Variants in GNG8 observed in about 807,000 individuals in gnomAD.
GNG8 encodes the protein guanine nucleotide-binding protein G(I)/G(S)/G(O) subunit gamma-8.
A neutral mutation model predicts 4.6 loss-of-function variants in GNG8; 3 were observed. That is an observed-to-expected ratio of 0.65 (90% CI 0.29 to 1.67). GNG8 has a LOEUF of 1.67. Among genes scored for constraint, GNG8 ranks in the 40% most tolerant of loss-of-function variants. GNG8 has a pLI of 0.10. For synonymous variants in GNG8, 32 were observed against 40.5 expected (o/e 0.79, Z 0.80); for missense variants, 88 against 95.2 (o/e 0.92, Z 0.32).
chr19:46,635,990 G>C (rs1474048730), intron 1 of GNG8, among the ~76,000 whole-genome samples, 157 bp downstream of exon 1: 2 of 151,930 alleles, frequency 1.3e-5, no homozygotes, highest in African/African-American at 4.8e-5. Flanking sequence ...ACAGAAAGTG[G>C]GAGAGAGGAA....
At chr19:46,639,033 G>C (rs748497417), upstream of GNG8, 1 of 154,080 alleles carries the variant, frequency 6.5e-6, no homozygotes, top group Non-Finnish European at 1.4e-5. The surrounding 1 kb of genome is among the most constrained non-coding windows in gnomAD (Gnocchi z 5.2). Context: ...AGGGACAGGA[G>C]AGGCAGAGAC....
chr19:46,638,909 G>C (rs1316883212), upstream of GNG8: 1 of 153,758 alleles, frequency 6.5e-6, no homozygotes, highest in Non-Finnish European at 1.4e-5. The surrounding 1 kb of genome is among the most constrained non-coding windows in gnomAD (Gnocchi z 4.7). Context: ...CACAGACAGG[G>C]GAGGGAGATG....
Position 46,634,588 on chromosome 19 carries a change from C to T in GNG8, c.84+11G>A. On this transcript the variant is annotated intron_variant, in intron 2 of 2. Transcript: ENST00000693335. ...AGAACCCCCGCCCTATTCCCCACCC[C>T]GACCCAGCACCTTCATGCGGTCGAT... 2 of 1,611,654 alleles carry T rather than the reference C, an allele frequency of 1.2e-6. No individual in the cohort carries two copies. The highest frequency in any genetic ancestry group is 1.7e-6 in the Non-Finnish European group (2 of 1,178,880).
Position 46,634,455 on chromosome 19 carries a change from G to A in GNG8, c.84+144C>T, listed in dbSNP as rs1226345492. 7 of 667,702 alleles carry A rather than the reference G, an allele frequency of 1.0e-5. No homozygotes were observed. The Admixed American group carries it at 1.8e-4, about 17-fold the overall frequency. The allele number at this position is 667,702 out of a possible 1,614,324, so 41.4% of individuals were successfully genotyped here. A position where few individuals can be genotyped will look rare whatever the true frequency, so the allele number is the denominator to read the frequency against. ...CTGTTCTGCCCCTCCCCTCGTCCTG[G>A]CCCCTCCTCCTGCCCTGCCCCGCCC... On this transcript the variant is annotated intron_variant, in intron 2 of 2. Transcript: ENST00000693335.
upstream of GNG8, chr19:46,636,737 A>G (rs1044900710): frequency 1.6e-4 from 25 of 151,720 alleles, no homozygotes; most frequent in Admixed American, 7.2e-4. Flanking sequence ...AGAGCACCAA[A>G]TGTACCACAG....
intron 1 of GNG8, among the ~76,000 whole-genome samples, chr19:46,635,860 G>C (rs1041331674): frequency 6.8e-6 from 1 of 146,812 alleles, no homozygotes; most frequent in Non-Finnish European, 1.5e-5. Flanking sequence ...TGGAGGAAGG[G>C]GGGAGGGAGG....
chr19:46,634,254 C>G, intron 2 of GNG8, 50 bp from the exon 3 acceptor site: 1 of 1,558,178 alleles, frequency 6.4e-7, no homozygotes, highest in South Asian at 1.2e-5. Flanking sequence ...CTCCTTGGAG[C>G]CGCCCACTTA....
At chr19:46,639,278 TG>T, upstream of GNG8, 1 of 152,488 alleles carries the variant, frequency 6.6e-6, no homozygotes, top group Non-Finnish European at 1.5e-5. The surrounding 1 kb of genome is among the most constrained non-coding windows in gnomAD (Gnocchi z 5.2). Flanking sequence ...TCGGTGTACC[TG>T]GGGGCGTGTC....
chr19:46,636,470 T>A (rs2052870006), upstream of GNG8, among the ~76,000 whole-genome samples: 1 of 152,082 alleles, frequency 6.6e-6, no homozygotes, highest in Non-Finnish European at 1.5e-5. Flanking sequence ...TAATCCACAG[T>A]CACAACAAAC....
chr19:46,634,233 G>T, intron 2 of GNG8, 29 bp from the exon 3 acceptor site: 3 of 1,589,624 alleles, frequency 1.9e-6, no homozygotes, highest in Non-Finnish European at 1.7e-6. Context: ...AGATGTCACC[G>T]CCCTGCCCGG....
chr19:46,636,790 C>CTTTTTT (rs1277939385), upstream of GNG8: 1 of 135,456 alleles, frequency 7.4e-6, no homozygotes, highest in African/African-American at 2.8e-5. Context: ...ATTTGCATGC[C>CTTTTTT]TTTTTTTTTT....
chr19:46,637,833 G>C (rs2052878423), upstream of GNG8: 1 of 152,910 alleles, frequency 6.5e-6, no homozygotes, highest in Admixed American at 6.5e-5. Flanking sequence ...TCAAACTCCT[G>C]GCCTCAAGGG....
At chr19:46,634,306 G>T in intron 2 of GNG8, 102 bp from the exon 3 acceptor site, 1 of 1,279,942 alleles carries the variant, frequency 7.8e-7, no homozygotes. Flanking sequence ...ACCTTGCCCC[G>T]CCCCATACAG....
In GNG8 at chr19:46,634,002, G is replaced by A; in HGVS notation, c.*74C>T. 2 of 1,521,994 alleles carry A rather than the reference G, an allele frequency of 1.3e-6. No homozygotes were observed. The highest frequency in any genetic ancestry group is 1.8e-6 in the Non-Finnish European group (2 of 1,124,086). The allele number at this position is 1,521,994 out of a possible 1,614,324, so 94.3% of individuals were successfully genotyped here. On this transcript the variant is annotated 3_prime_UTR_variant, in exon 3 of 3. Transcript: ENST00000693335. ...TGTGCGTGCCTCAGTCTCCCTGAAA[G>A]CACAGGCACCACCACAGTTACCAAG...
At chr19:46,634,347 G>A (rs1271933965) in intron 2 of GNG8, 143 bp from the exon 3 acceptor site, 4 of 934,932 alleles carry the variant, frequency 4.3e-6, no homozygotes, top group Non-Finnish European at 4.4e-6. Flanking sequence ...CCGCCCCCTC[G>A]TCCTGGCCCC....
chr19:46,636,428 C>G (rs2052869686), upstream of GNG8, among the ~76,000 whole-genome samples: 1 of 152,182 alleles, frequency 6.6e-6, no homozygotes. Context: ...AAAACACAGT[C>G]TCTCTAGGTG....
intron 2 of GNG8, 47 bp from the exon 3 acceptor site, chr19:46,634,251 G>A (rs1181585825): frequency 1.3e-6 from 2 of 1,564,122 alleles, no homozygotes; most frequent in African/African-American, 2.7e-5. Flanking sequence ...CGGCTCCTTG[G>A]AGCCGCCCAC....
chr19:46,636,608 G>C (rs1418964538), upstream of GNG8, among the ~76,000 whole-genome samples: 2 of 152,048 alleles, frequency 1.3e-5, no homozygotes, highest in Non-Finnish European at 2.9e-5. Context: ...TCACACGGTA[G>C]CACCACACAA....
intron 1 of GNG8, among the ~76,000 whole-genome samples, chr19:46,635,305 C>T: frequency 6.6e-6 from 1 of 150,720 alleles, no homozygotes; most frequent in Non-Finnish European, 1.5e-5. Context: ...AGAGGGACAA[C>T]GGGACGCGCA....
Sources: allele counts gnomAD v4.1 joint callset (sites outside exome capture counted in the v4.1 genomes callset), GRCh38; gene constraint gnomAD v4.1.1; non-coding constraint Gnocchi (gnomAD v3.1); transcripts MANE v1.5; gene names NCBI Gene and HGNC (gene_info 2026-07-23, HGNC 2026-07-21).